Variants in NCOA3 observed in about 807,000 individuals in gnomAD.
NCOA3 encodes nuclear receptor coactivator 3.
Under a neutral mutation model 158.8 loss-of-function variants are expected in NCOA3, and 51 were observed. The ratio of observed to expected loss-of-function variants is 0.32; its 90% CI spans 0.26 to 0.41. The LOEUF (loss-of-function observed/expected upper bound fraction) is 0.41, where lower values mean the gene tolerates loss of function less well. NCOA3 is among the 10% of genes least tolerant of loss of function. NCOA3 has a pLI of 1.00. For synonymous variants in NCOA3, 537 were observed against 592.4 expected (o/e 0.91, Z 1.36); for missense variants, 1,510 against 1,746.6 (o/e 0.86, Z 2.41).
At chr20:47,625,340 T>C in intron 4 of NCOA3, 41 bp from the exon 5 acceptor site, 2 of 1,339,960 alleles carry the variant, frequency 1.5e-6, no homozygotes, top group South Asian at 2.3e-5. Context: ...AATCTATAAC[T>C]GATAGTGTGT....
At chr20:47,584,564 G>A (rs2085504437) in intron 2 of NCOA3, among the ~76,000 whole-genome samples, 1 of 150,138 alleles carries the variant, frequency 6.7e-6, no homozygotes, top group Non-Finnish European at 1.5e-5. Flanking sequence ...AGGTTGTAGT[G>A]AGCTGAGATC....
At chr20:47,648,924 G>T in intron 18 of NCOA3, 81 bp from the exon 19 acceptor site, 1 of 763,444 alleles carries the variant, frequency 1.3e-6, no homozygotes, top group South Asian at 1.6e-5. Context: ...TTACCTCATT[G>T]GCTGGTGCTG....
Position 47,647,243 on chromosome 20 carries a change from G to C in NCOA3, c.3423G>C (p.Gln1141His), listed in dbSNP as rs764856020. 1.9e-6 allele frequency: 3 copies of C among 1,614,056 alleles called. No individual in the cohort carries two copies. Among genetic ancestry groups the C allele is most frequent in the Admixed American group, 1.7e-5 (1 of 60,006 alleles). ...QSPSFNSMMN[Q>H]MNQQGNFPLQ... ...CATCTTTTAACTCTATGATGAATCA[G>C]ATGAACCAGCAAGGCAATTTTCCTC... Residue 1141 changes from glutamine to histidine, a missense_variant, in exon 18 of 23, where the codon CAG becomes CAC. By Grantham distance (24) the Gln-to-His change is conservative. This residue lies in a region of NCOA3 where 1,017 missense variants were observed against 1,098.3 expected (regional missense o/e 0.93). Transcript: ENST00000371998.
intron 1 of NCOA3, among the ~76,000 whole-genome samples, chr20:47,505,013 T>G (rs977998747): frequency 2.5e-5 from 3 of 119,702 alleles, no homozygotes; most frequent in Non-Finnish European, 3.5e-5. Context: ...GTTTTTTTTT[T>G]TTTTTTTTTT....
intron 3 of NCOA3, 21 bp downstream of exon 3, chr20:47,622,351 T>C (rs1602499849): frequency 1.3e-6 from 2 of 1,483,492 alleles, no homozygotes. Context: ...TATTTCCTGG[T>C]GCTTTACCAC....
intron 1 of NCOA3, among the ~76,000 whole-genome samples, chr20:47,579,633 A>G (rs1415290541): frequency 2.0e-5 from 3 of 152,192 alleles, no homozygotes; most frequent in Non-Finnish European, 2.9e-5. Context: ...AGGCAAGCCA[A>G]TCATTGTTCT....
intron 1 of NCOA3, among the ~76,000 whole-genome samples, chr20:47,518,565 A>G (rs533544559): frequency 1.3e-5 from 2 of 151,360 alleles, no homozygotes; most frequent in South Asian, 2.1e-4. Context: ...AGCTGGGATT[A>G]CAGGCATGCA....
At chr20:47,590,388 G>T (rs1242755943) in intron 2 of NCOA3, among the ~76,000 whole-genome samples, 2 of 152,148 alleles carry the variant, frequency 1.3e-5, no homozygotes, top group Non-Finnish European at 2.9e-5. Flanking sequence ...TGGTATGATT[G>T]TGGCTCATTG....
intron 17 of NCOA3, among the ~76,000 whole-genome samples, chr20:47,643,302 A>G (rs1230694000): frequency 6.6e-6 from 1 of 152,220 alleles, no homozygotes; most frequent in African/African-American, 2.4e-5. Context: ...AGGGGCTGTC[A>G]GTTGTTGTTG....
At chr20:47,529,377 C>G (rs2084509419) in intron 1 of NCOA3, among the ~76,000 whole-genome samples, 1 of 151,902 alleles carries the variant, frequency 6.6e-6, no homozygotes, top group Non-Finnish European at 1.5e-5. Flanking sequence ...CCTTGGCCTC[C>G]CAACGTGCTA....
chr20:47,536,732 C>A (rs926886294), intron 1 of NCOA3, among the ~76,000 whole-genome samples: 20 of 151,968 alleles, frequency 1.3e-4, no homozygotes, highest in South Asian at 4.2e-4. Flanking sequence ...TTCAAGCCAT[C>A]CTCCTGCATG....
At chr20:47,631,769 G>A (rs903915385) in intron 8 of NCOA3, among the ~76,000 whole-genome samples, 2 of 152,160 alleles carry the variant, frequency 1.3e-5, no homozygotes, top group South Asian at 2.1e-4. Flanking sequence ...CCTCATAGGC[G>A]TTATTTTTTC....
chr20:47,647,316 A>G lies in NCOA3; in HGVS notation c.3496A>G (p.Thr1166Ala). ...CAACATCATGAGACCCCGGACAAAC[A>G]CCCCCAAGCAACTTAGAATGCAGCT... ...RANIMRPRTN[T>A]PKQLRMQLQQ... Residue 1166 changes from threonine to alanine, a missense_variant, in exon 18 of 23, where the codon ACC becomes GCC. By Grantham distance (58) the Thr-to-Ala change is moderately conservative (BLOSUM62 0). This residue lies in a region of NCOA3 where 1,017 missense variants were observed against 1,098.3 expected (regional missense o/e 0.93). Coordinates refer to ENST00000371998, the MANE Select transcript of NCOA3 (RefSeq NM_181659.3). 6.2e-7 allele frequency: 1 copy of G among 1,613,826 alleles called. No individual in the cohort carries two copies.
At chr20:47,594,399 A>G (rs1313514930) in intron 2 of NCOA3, among the ~76,000 whole-genome samples, 2 of 152,122 alleles carry the variant, frequency 1.3e-5, no homozygotes, top group Non-Finnish European at 2.9e-5. Flanking sequence ...GCAGTGGCTC[A>G]TGCCTGTAAT....
chr20:47,527,256 G>A (rs2084470691), intron 1 of NCOA3, among the ~76,000 whole-genome samples: 2 of 151,996 alleles, frequency 1.3e-5, no homozygotes, highest in Admixed American at 6.5e-5. Context: ...CTCAGTGTTC[G>A]GGGTGAATAT....
intron 10 of NCOA3, among the ~76,000 whole-genome samples, chr20:47,634,920 CTTTTTTTT>C (rs66801245): frequency 1.2e-4 from 14 of 120,134 alleles, no homozygotes; most frequent in Non-Finnish European, 6.8e-5. Flanking sequence ...TTCTCTTCTT[CTTTTTTTT>C]TTTTTTTTTT....
chr20:47,532,995 A>C (rs2084570672), intron 1 of NCOA3, among the ~76,000 whole-genome samples: 1 of 148,220 alleles, frequency 6.7e-6, no homozygotes, highest in Non-Finnish European at 1.5e-5. Flanking sequence ...AATCCCAGCT[A>C]CTCGGGAGGC....
chr20:47,577,470 A>G (rs1032464818), intron 1 of NCOA3, among the ~76,000 whole-genome samples: 5 of 152,156 alleles, frequency 3.3e-5, no homozygotes, highest in African/African-American at 9.7e-5. Flanking sequence ...GTTTTTCTCT[A>G]TTCTTTCCTT....
At chr20:47,646,299 G>A (rs958345748) in intron 17 of NCOA3, among the ~76,000 whole-genome samples, 2 of 152,144 alleles carry the variant, frequency 1.3e-5, no homozygotes, top group African/African-American at 2.4e-5. Context: ...TACAGCTACC[G>A]TTTCCTTCCC....
Sources: allele counts gnomAD v4.1 joint callset (sites outside exome capture counted in the v4.1 genomes callset), GRCh38; gene constraint gnomAD v4.1.1; regional missense constraint gnomAD v4.1.1; transcripts MANE v1.5; gene names NCBI Gene and HGNC (gene_info 2026-07-23, HGNC 2026-07-21).